The following NINL variants were observed in gnomAD, a reference collection of about 807,000 sequenced individuals.
NINL encodes the protein ninein like, also known as ninein-like protein.
In NINL, 153 loss-of-function variants were observed where a neutral mutation model predicts 160.3. The observed-to-expected ratio is 0.95, with a 90% CI of 0.84 to 1.09. NINL has a LOEUF of 1.09. Among genes scored for constraint, NINL ranks in the 50% least tolerant of loss-of-function variants. NINL has a pLI of 0.00. For missense variants in NINL, 1,829 were observed against 1,764.0 expected (o/e 1.04, Z -0.66); for synonymous variants, 800 against 734.8 (o/e 1.09, Z -1.43).
rs553925104 is a variant in NINL at position 25,453,245 on chromosome 20, C to G, written c.*206G>C. On this transcript the variant is annotated 3_prime_UTR_variant, in exon 24 of 24. Coordinates refer to ENST00000278886, the MANE Select transcript of NINL (RefSeq NM_025176.6). ...TACTCAGGACCGCTAATAAAAACGC[C>G]GGCTTCTGCAACATGCATATTCCCC... The G allele has an allele frequency of 4.5e-6, 2 of 447,244 alleles. No homozygotes were observed. The highest frequency in any genetic ancestry group is 3.5e-5 in the East Asian group (1 of 28,412). The allele number at this position is 447,244 out of a possible 1,614,324, so 27.7% of individuals were successfully genotyped here.
At chr20:25,491,212 G>T in intron 11 of NINL, 139 bp downstream of exon 11, 2 of 1,023,136 alleles carry the variant, frequency 2.0e-6, no homozygotes, top group Non-Finnish European at 2.8e-6. Context: ...TGCAGCAGGT[G>T]CTCCCTCGGG....
chr20:25,578,896 T>A (rs2065144799), intron 1 of NINL, among the ~76,000 whole-genome samples: 1 of 151,348 alleles, frequency 6.6e-6, no homozygotes, highest in South Asian at 2.1e-4. Flanking sequence ...TAGTCCCAGC[T>A]ACTTGGGAGG....
At chr20:25,557,737 T>C (rs1469666440) in intron 1 of NINL, among the ~76,000 whole-genome samples, 1 of 152,040 alleles carries the variant, frequency 6.6e-6, no homozygotes, top group Non-Finnish European at 1.5e-5. Context: ...TCTAACTTCT[T>C]GACAATTGAT....
chr20:25,461,885 A>G (rs968982260), intron 20 of NINL, among the ~76,000 whole-genome samples: 10 of 152,162 alleles, frequency 6.6e-5, no homozygotes, highest in African/African-American at 4.8e-5. Context: ...TCCTCACTGC[A>G]GTGGGAGCGT....
Position 25,476,778 on chromosome 20 carries a change from C to T in NINL, c.2513G>A (p.Ser838Asn), listed in dbSNP as rs756698058. 3.2e-5 allele frequency: 51 copies of T among 1,611,706 alleles called. No homozygotes were observed. In the South Asian group the frequency reaches 4.7e-4, roughly 15 times the overall value. ...GAGGCCACGTGTGCCCTCCTGGCCA[C>T]TTCCTGCCACCAGCCCATCTTTCGG... ...ALPKDGLVAG[S>N]GQEGTRGLLP... The change falls in exon 17 of 24, where the codon AGT (serine) becomes AAT (asparagine). Residue 838 changes from serine (S) to asparagine (N), a missense_variant. Transcript: ENST00000278886.
rs745573045 is a variant in NINL at position 25,476,508 on chromosome 20, G to A, written c.2783C>T (p.Ala928Val). The A allele has an allele frequency of 1.6e-5, 25 of 1,602,554 alleles. No individual in the cohort carries two copies. The highest frequency in any genetic ancestry group is 1.6e-4 in the Middle Eastern group (1 of 6,084). Reference protein sequence around the residue: ...IVPKEPEPFGASAAGLEQPGA... With the variant: ...IVPKEPEPFGVSAAGLEQPGA... ...AGGCTGCTCCAGCCCCGCTGCGCTCGCGCCGAAAGGCTCTGGCTCCTTTGG... is the reference window on the plus strand; with the variant it reads ...AGGCTGCTCCAGCCCCGCTGCGCTCACGCCGAAAGGCTCTGGCTCCTTTGG... The change falls in exon 17 of 24, where the codon GCG becomes GTG. Residue 928 changes from alanine (A) to valine (V), a missense_variant. Coordinates refer to ENST00000278886, the MANE Select transcript of NINL (RefSeq NM_025176.6).
intron 21 of NINL, among the ~76,000 whole-genome samples, chr20:25,460,747 C>T (rs1011934791): frequency 4.6e-5 from 7 of 152,280 alleles, no homozygotes; most frequent in Admixed American, 1.3e-4. Flanking sequence ...GGAGCCTCTG[C>T]ACAGGGCGCC....
Position 25,476,867 on chromosome 20 carries a change from C to G in NINL, c.2424G>C (p.Glu808Asp), listed in dbSNP as rs2146522383. ...MCVSLALEEE[E>D]LELARGKRVD... ...CTCGCTTCCCGCGGGCAAGCTCCAA[C>G]TCCTCCTCCTCGAGGGCCAACGATA... The change falls in exon 17 of 24, where the codon GAG (glutamate) becomes GAC (aspartate). Residue 808 changes from glutamate to aspartate, a missense_variant. Glu to Asp is a conservative substitution (Grantham distance 45). Transcript: ENST00000278886. 6.2e-7 allele frequency: 1 copy of G among 1,613,194 alleles called. No homozygotes were observed. The highest frequency in any genetic ancestry group is 2.2e-5 in the East Asian group (1 of 44,868).
intron 18 of NINL, among the ~76,000 whole-genome samples, chr20:25,468,931 T>C (rs368736): frequency 0.012 from 974 of 81,612 alleles, 20 homozygotes; most frequent in African/African-American, 0.054. Flanking sequence ...TGCCCCACTG[T>C]CCTGTCCCTT....
At chr20:25,471,132 A>G (rs552611303) in intron 17 of NINL, among the ~76,000 whole-genome samples, 3 of 151,948 alleles carry the variant, frequency 2.0e-5, no homozygotes, top group Non-Finnish European at 2.9e-5. Flanking sequence ...AGCTGGGACT[A>G]CAGTAGGCAT....
At chr20:25,557,458 G>A (rs919441209) in intron 1 of NINL, among the ~76,000 whole-genome samples, 3 of 150,890 alleles carry the variant, frequency 2.0e-5, no homozygotes, top group Non-Finnish European at 4.4e-5. Context: ...TTGAACCCAG[G>A]AGGCGGAGGC....
At chr20:25,552,559 G>A (rs373434972) in intron 1 of NINL, among the ~76,000 whole-genome samples, 4 of 152,224 alleles carry the variant, frequency 2.6e-5, no homozygotes, top group African/African-American at 9.6e-5. Context: ...AAGCCATGCT[G>A]GCACTATACA....
intron 1 of NINL, among the ~76,000 whole-genome samples, chr20:25,555,735 C>A (rs2064857586): frequency 2.6e-5 from 4 of 152,116 alleles, no homozygotes; most frequent in African/African-American, 9.7e-5. Context: ...TGTGCAATGG[C>A]ACAATCTGGG....
In NINL at chr20:25,560,343, G is replaced by A. The variant is rs2064920039; in HGVS notation, c.-12+25112C>T. 1.3e-5 allele frequency among the ~76,000 whole-genome samples: 2 copies of A among 152,298 alleles called. 1 individual carries two copies. Among genetic ancestry groups the A allele is most frequent in the South Asian group, 4.1e-4 (2 of 4,820 alleles). ...CCAGAGAGCAAGGTTATAATGAGGG[G>A]GAGTAACTACCTTTCATTCATTTCC... On this transcript the variant is annotated intron_variant, in intron 1 of 23. Transcript: ENST00000278886.
intron 1 of NINL, among the ~76,000 whole-genome samples, chr20:25,548,741 C>T (rs1243754455): frequency 4.0e-5 from 6 of 149,658 alleles, no homozygotes; most frequent in East Asian, 2.0e-4. Context: ...CTCCCACACC[C>T]GGCCTCACCC....
chr20:25,563,079 T>G (rs1323477726), intron 1 of NINL, among the ~76,000 whole-genome samples: 3 of 152,178 alleles, frequency 2.0e-5, no homozygotes, highest in African/African-American at 7.2e-5. Flanking sequence ...GGCAGGAGAA[T>G]GGCGTGAACC....
intron 1 of NINL, among the ~76,000 whole-genome samples, chr20:25,570,464 C>T (rs1194110820): frequency 6.6e-6 from 1 of 152,032 alleles, no homozygotes; most frequent in Non-Finnish European, 1.5e-5. Flanking sequence ...TGTGAGCCAC[C>T]TCACTCCCCA....
intron 2 of NINL, among the ~76,000 whole-genome samples, chr20:25,522,979 G>A (rs538250274): frequency 3.9e-5 from 6 of 152,174 alleles, no homozygotes; most frequent in Admixed American, 2.0e-4. Flanking sequence ...GATTGGTTCC[G>A]GGACCCTTGG....
At chr20:25,537,353 G>T (rs1423665087) in intron 1 of NINL, among the ~76,000 whole-genome samples, 1 of 152,232 alleles carries the variant, frequency 6.6e-6, no homozygotes, top group Non-Finnish European at 1.5e-5. Context: ...AGAGGGCTGG[G>T]ATTACAGGTG....
Sources: allele counts gnomAD v4.1 joint callset (sites outside exome capture counted in the v4.1 genomes callset), GRCh38; gene constraint gnomAD v4.1.1; transcripts MANE v1.5; gene names NCBI Gene and HGNC (gene_info 2026-07-23, HGNC 2026-07-21).